Variants in CSN2 observed in about 807,000 individuals in gnomAD.
CSN2 encodes beta-casein.
CSN2 carries 27 observed loss-of-function variants against 27.3 expected under a neutral mutation model. The observed-to-expected ratio is 0.99, with a 90% CI of 0.73 to 1.36. The LOEUF is 1.36. CSN2 is among the 40% of genes most tolerant of loss of function. The pLI is 0.00. For synonymous variants in CSN2, 131 were observed against 94.8 expected, an observed-to-expected ratio of 1.38 and a Z score of -2.22; for missense variants, 333 against 264.5, an observed-to-expected ratio of 1.26 and a Z score of -1.80.
chr4:69,963,479 C>T (rs979409594), intron 1 of CSN2, among the ~76,000 whole-genome samples: 6 of 151,678 alleles, frequency 4.0e-5, no homozygotes, highest in African/African-American at 4.8e-5. Context: ...AGCAAACTAT[C>T]GCAAGGACAA....
chr4:69,959,488 A>G (rs1455628561), intron 3 of CSN2, among the ~76,000 whole-genome samples: 1 of 152,120 alleles, frequency 6.6e-6, no homozygotes, highest in Non-Finnish European at 1.5e-5. Flanking sequence ...GACAGAATCT[A>G]TTGATGTACC....
chr4:69,955,851 C>T (rs1723377694), intron 7 of CSN2, among the ~76,000 whole-genome samples: 1 of 151,998 alleles, frequency 6.6e-6, no homozygotes, highest in Non-Finnish European at 1.5e-5. Context: ...AATTGCAATG[C>T]TGTTCTCTCC....
intron 1 of CSN2, among the ~76,000 whole-genome samples, chr4:69,964,176 A>G (rs1723715684): frequency 6.6e-6 from 1 of 152,136 alleles, no homozygotes. Context: ...TAGATATTGT[A>G]CACTAGGCTT....
intron 6 of CSN2, 61 bp from the exon 7 acceptor site, chr4:69,956,416 A>G: frequency 1.6e-6 from 2 of 1,263,706 alleles, no homozygotes; most frequent in Non-Finnish European, 2.1e-6. Flanking sequence ...TTGCCTTAAG[A>G]ATGTTGTAAG....
chr4:69,957,380 G>A lies in CSN2; in HGVS notation c.569C>T (p.Ala190Val). ...GAGCAGAAGGGCTTGAACAGGCACA[G>A]CTCTCTGAGGGTAGGGCACCACTTG... Reference protein sequence around the residue: ...PQQVVPYPQRAVPVQALLLNQ... With the variant: ...PQQVVPYPQRVVPVQALLLNQ... Residue 190 changes from alanine to valine, a missense_variant, in exon 6 of 8, where the codon GCT (alanine) becomes GTT (valine). By Grantham distance (64) the Ala-to-Val change is moderately conservative. Transcript: ENST00000353151. 2 of 1,613,602 alleles carry A rather than the reference G, an allele frequency of 1.2e-6. No homozygotes were observed. The highest frequency in any genetic ancestry group is 1.7e-6 in the Non-Finnish European group (2 of 1,179,894).
Position 69,957,275 on chromosome 4 carries a change from C to G in CSN2, c.674G>C (p.Ser225Thr), listed in dbSNP as rs780580023. The G allele has an allele frequency of 2.0e-5, 31 of 1,538,332 alleles. No individual in the cohort carries two copies. In the South Asian group the frequency reaches 3.8e-4, roughly 19 times the overall value. Residue 225 changes from serine (S) to threonine (T), a missense_variant and splice_region_variant, in exon 6 of 8, where the codon AGT (serine) becomes ACT (threonine). Ser to Thr is a moderately conservative substitution (Grantham distance 58). Coordinates refer to ENST00000353151, the MANE Select transcript of CSN2 (RefSeq NM_001891.4). ...CAAAGCCAGTAAATTTGGACTTACA[C>G]TAATGGGGTTATGAACTGGGGCAAG... Reference protein sequence around the residue: ...QPLAPVHNPISV With the variant: ...QPLAPVHNPITV
chr4:69,956,393 T>C, intron 6 of CSN2, 38 bp from the exon 7 acceptor site: 1 of 1,329,618 alleles, frequency 7.5e-7, no homozygotes, highest in Non-Finnish European at 9.9e-7. Flanking sequence ...AAATAACCTC[T>C]TAGTAAGAAA....
chr4:69,965,057 A>G (rs1723750420), intron 1 of CSN2, among the ~76,000 whole-genome samples: 1 of 151,408 alleles, frequency 6.6e-6, no homozygotes, highest in Non-Finnish European at 1.5e-5. Context: ...TTTCTTTTTT[A>G]CTTAATTCTG....
chr4:69,959,361 A>T (rs187436641), intron 3 of CSN2, among the ~76,000 whole-genome samples: 1,870 of 152,162 alleles, frequency 0.012, 34 homozygotes, highest in African/African-American at 0.043. Flanking sequence ...TCTGATTTTT[A>T]AAAAAAGAAA....
At chr4:69,956,058 G>C (rs1723387278) in intron 7 of CSN2, among the ~76,000 whole-genome samples, 1 of 152,116 alleles carries the variant, frequency 6.6e-6, no homozygotes, top group East Asian at 1.9e-4. Context: ...ATAATCAAAT[G>C]TAAGTATATA....
intron 1 of CSN2, among the ~76,000 whole-genome samples, chr4:69,961,686 C>A (rs1391739630): frequency 6.6e-6 from 1 of 152,124 alleles, no homozygotes; most frequent in Non-Finnish European, 1.5e-5. Flanking sequence ...ACAGGGATGC[C>A]CTCTCTCACC....
At chr4:69,962,438 A>G (rs529058626) in intron 1 of CSN2, among the ~76,000 whole-genome samples, 13 of 152,308 alleles carry the variant, frequency 8.5e-5, no homozygotes, top group South Asian at 2.1e-4. Flanking sequence ...CCGCATGTCT[A>G]CAACTATCTG....
rs756206077 is a variant in CSN2 at position 69,965,408 on chromosome 4, C to CTATATATATATATATA, written c.-13+257_-13+272dup. Among the ~76,000 whole-genome samples, 13 of 88,104 alleles carry CTATATATATATATATA rather than the reference C, an allele frequency of 1.5e-4. 1 individual carries two copies. The highest frequency in any genetic ancestry group is 3.5e-4 in the African/African-American group (7 of 19,980). The allele number at this position is 88,104 out of a possible 152,430, so 57.8% of individuals were successfully genotyped here. A position where few individuals can be genotyped will look rare whatever the true frequency, so the allele number is the denominator to read the frequency against. ...ATATTAACTATGAACTAGCCTCATA[C>CTATATATATATATATA]TATATATATATATATATATATATAT... On this transcript the variant is annotated intron_variant, in intron 1 of 7. Coordinates refer to ENST00000353151, the MANE Select transcript of CSN2 (RefSeq NM_001891.4).
rs144160709 is a variant in CSN2 at position 69,964,284 on chromosome 4, C to G, written c.-13+1397G>C. Among the ~76,000 whole-genome samples the G allele has an allele frequency of 9.2e-5, 14 of 152,170 alleles. No individual in the cohort carries two copies. In the East Asian group the frequency reaches 1.4e-3, roughly 15 times the overall value. ...ACTGCTAAGCTTGGGACTACCTCTT[C>G]TTGTGAAATATATGTTAATATTTTT... is the stretch of plus-strand genomic sequence containing the variant. On this transcript the variant is annotated intron_variant, in intron 1 of 7. Coordinates refer to ENST00000353151, the MANE Select transcript of CSN2 (RefSeq NM_001891.4).
In CSN2 at chr4:69,956,355, C is replaced by A. The variant is rs1201535386; in HGVS notation, c.676G>T (p.Val226Phe). Residue 226 changes from valine to phenylalanine, a missense_variant and splice_region_variant, in exon 7 of 8, where the codon GTC becomes TTC. Physicochemically the swap from Val to Phe is conservative, Grantham distance 50. Coordinates refer to ENST00000353151, the MANE Select transcript of CSN2 (RefSeq NM_001891.4). ...PLAPVHNPIS[V>F] The stretch of plus-strand genomic sequence containing the variant: ...AAATTAACTTTGAAATCTTCTTAGA[C>A]CTTAAAAATAAACAGATACAAATAA... 2 of 1,418,236 alleles carry A rather than the reference C, an allele frequency of 1.4e-6. No individual in the cohort carries two copies. Among genetic ancestry groups the A allele is most frequent in the African/African-American group, 1.5e-5 (1 of 67,684 alleles). 87.9% of individuals were successfully genotyped at this position (1,418,236 alleles called of 1,614,324 possible).
intron 3 of CSN2, among the ~76,000 whole-genome samples, chr4:69,959,754 A>G (rs1452796204): frequency 6.6e-6 from 1 of 152,004 alleles, no homozygotes; most frequent in Non-Finnish European, 1.5e-5. Flanking sequence ...GGCCGTCAGT[A>G]TATGCTTAAG....
At chr4:69,963,451 C>G (rs1723675777) in intron 1 of CSN2, among the ~76,000 whole-genome samples, 2 of 152,092 alleles carry the variant, frequency 1.3e-5, no homozygotes, top group South Asian at 2.1e-4. Context: ...ATGGATGAAG[C>G]TGGAAACCAT....
At chr4:69,962,666 T>C (rs1723637316) in intron 1 of CSN2, among the ~76,000 whole-genome samples, 1 of 152,114 alleles carries the variant, frequency 6.6e-6, no homozygotes, top group African/African-American at 2.4e-5. Flanking sequence ...ATTCAGGACA[T>C]AGGCATGGGC....
At chr4:69,960,922 G>A in intron 2 of CSN2, 23 bp downstream of exon 2, 3 of 1,608,502 alleles carry the variant, frequency 1.9e-6, no homozygotes. Context: ...TGATTGTTTA[G>A]GAATTTTTTC....
Sources: allele counts gnomAD v4.1 joint callset (sites outside exome capture counted in the v4.1 genomes callset), GRCh38; gene constraint gnomAD v4.1.1; transcripts MANE v1.5; gene names NCBI Gene and HGNC (gene_info 2026-07-23, HGNC 2026-07-21).